The following WDR70 variants were observed in gnomAD, a reference collection of about 807,000 sequenced individuals.
WDR70 encodes the protein WD repeat domain 70, also known as WD repeat-containing protein 70.
Under a neutral mutation model 88.6 loss-of-function variants are expected in WDR70, and 53 were observed. The ratio of observed to expected loss-of-function variants is 0.60; its 90% CI spans 0.48 to 0.75. WDR70 has a LOEUF of 0.75. Among genes scored for constraint, WDR70 ranks in the 30% least tolerant of loss-of-function variants. The pLI is 0.00. For missense variants in WDR70, 610 were observed against 823.2 expected (o/e 0.74, Z 3.17); for synonymous variants, 280 against 270.0 (o/e 1.04, Z -0.36).
chr5:37,712,910 C>T (rs549956001), intron 13 of WDR70, among the ~76,000 whole-genome samples: 8 of 152,080 alleles, frequency 5.3e-5, no homozygotes, highest in Admixed American at 6.5e-5. Flanking sequence ...CCACGTTGGC[C>T]AGGCTGGTCT....
intron 13 of WDR70, among the ~76,000 whole-genome samples, chr5:37,716,768 CT>C (rs1747666486): frequency 6.6e-6 from 1 of 152,056 alleles, no homozygotes; most frequent in South Asian, 2.1e-4. Context: ...TGGTTTCCTT[CT>C]CCTCCTCCCC....
intron 10 of WDR70, among the ~76,000 whole-genome samples, chr5:37,681,883 A>G (rs1022570078): frequency 1.3e-5 from 2 of 152,042 alleles, no homozygotes; most frequent in Non-Finnish European, 2.9e-5. Context: ...ATTGGCCTGA[A>G]GTTTTCTTTT....
intron 9 of WDR70, among the ~76,000 whole-genome samples, chr5:37,551,477 C>A (rs1345495700): frequency 6.6e-6 from 1 of 151,894 alleles, no homozygotes; most frequent in Non-Finnish European, 1.5e-5. Context: ...CACCTCTAAT[C>A]CTGGCACTTT....
intron 9 of WDR70, among the ~76,000 whole-genome samples, chr5:37,550,982 A>G (rs1325037715): frequency 6.6e-6 from 1 of 152,110 alleles, no homozygotes; most frequent in Non-Finnish European, 1.5e-5. Flanking sequence ...TTATTTGCAT[A>G]AACAAATCAA....
chr5:37,525,346 C>T (rs1315397788), intron 9 of WDR70, among the ~76,000 whole-genome samples: 1 of 152,212 alleles, frequency 6.6e-6, no homozygotes, highest in East Asian at 1.9e-4. Context: ...CGCTCAACTA[C>T]CTGGAAACTG....
intron 7 of WDR70, among the ~76,000 whole-genome samples, chr5:37,455,218 A>G (rs1252808739): frequency 6.7e-6 from 1 of 149,432 alleles, no homozygotes; most frequent in Non-Finnish European, 1.5e-5. Flanking sequence ...ATTTAAGACT[A>G]TCACCTGTCC....
At chr5:37,423,086 TGA>T (rs145644367) in intron 5 of WDR70, among the ~76,000 whole-genome samples, 2,109 of 152,058 alleles carry the variant, frequency 0.014, 49 homozygotes, top group African/African-American at 0.048. Context: ...AGGATGGAAG[TGA>T]GGGGGGGCCT....
intron 17 of WDR70, among the ~76,000 whole-genome samples, chr5:37,744,254 C>G (rs111683734): frequency 5.5e-4 from 84 of 152,186 alleles, no homozygotes; most frequent in African/African-American, 1.9e-3. Context: ...AAAAAGGCCC[C>G]ACAAAAACCC....
chr5:37,396,878 C>T (rs752673323), intron 5 of WDR70, among the ~76,000 whole-genome samples: 31 of 152,294 alleles, frequency 2.0e-4, no homozygotes, highest in Non-Finnish European at 4.0e-4. Context: ...TACAGTGGCT[C>T]ACACCCGTAA....
At chr5:37,485,149 C>G (rs1266229116) in intron 8 of WDR70, among the ~76,000 whole-genome samples, 2 of 152,172 alleles carry the variant, frequency 1.3e-5, no homozygotes, top group African/African-American at 2.4e-5. Flanking sequence ...CTGATTTTTA[C>G]TCTTTTCCCC....
chr5:37,541,435 TAAAA>T (rs1315362924), intron 9 of WDR70, among the ~76,000 whole-genome samples: 1 of 152,220 alleles, frequency 6.6e-6, no homozygotes. Context: ...TGCTAATACT[TAAAA>T]AAGTACTTCT....
At chr5:37,722,480 G>A (rs889653648) in intron 14 of WDR70, 2 of 212,316 alleles carry the variant, frequency 9.4e-6, no homozygotes, top group African/African-American at 4.7e-5. Context: ...AGACCACCCA[G>A]GTTGCTTTAG....
chr5:37,427,661 A>C (rs1377173267), intron 5 of WDR70, among the ~76,000 whole-genome samples: 1 of 151,986 alleles, frequency 6.6e-6, no homozygotes, highest in Non-Finnish European at 1.5e-5. Context: ...GGATCGCTTG[A>C]GGATCACCTG....
At chr5:37,391,717 T>TA (rs1183162806) in intron 3 of WDR70, among the ~76,000 whole-genome samples, 1 of 152,224 alleles carries the variant, frequency 6.6e-6, no homozygotes, top group Non-Finnish European at 1.5e-5. Flanking sequence ...ATGACGTTCT[T>TA]ATGAACATGG....
At chr5:37,520,444 T>G (rs1347165904) in intron 9 of WDR70, among the ~76,000 whole-genome samples, 1 of 152,052 alleles carries the variant, frequency 6.6e-6, no homozygotes, top group Non-Finnish European at 1.5e-5. Context: ...TCAGATTATG[T>G]AGTGTTAATT....
intron 10 of WDR70, among the ~76,000 whole-genome samples, chr5:37,641,355 C>T (rs1581458100): frequency 6.6e-6 from 1 of 151,562 alleles, no homozygotes; most frequent in East Asian, 1.9e-4. Flanking sequence ...ATCTGCCCAC[C>T]TCAACCTCCC....
intron 10 of WDR70, chr5:37,620,175 A>G (rs1157070965): frequency 1.3e-5 from 2 of 152,004 alleles, no homozygotes; most frequent in Non-Finnish European, 2.9e-5. Context: ...CTTAATTCAG[A>G]TATAATTTTA....
rs1396833060 is a variant in WDR70 at position 37,506,103 on chromosome 5, T to C, written c.841-10411T>C. 8 of 1,184,318 alleles carry C rather than the reference T, an allele frequency of 6.8e-6. No homozygotes were observed. In the Admixed American group the frequency reaches 8.4e-5, roughly 12 times the overall value. 73.4% of individuals were successfully genotyped at this position (1,184,318 alleles called of 1,614,324 possible). ...AAGATTTGCACAGTAAAGATTTGCA[T>C]GTGCAAGATTGCAGCGGCTTAAATT... On this transcript the variant is annotated intron_variant, in intron 8 of 17. Transcript: ENST00000265107.
At chr5:37,398,948 C>T (rs535954959) in intron 5 of WDR70, among the ~76,000 whole-genome samples, 2 of 152,076 alleles carry the variant, frequency 1.3e-5, no homozygotes, top group East Asian at 3.9e-4. Flanking sequence ...TTGAGACTAG[C>T]CTGGCCAACA....
Sources: gnomAD v4.1 joint callset for allele counts (sites outside exome capture counted in the v4.1 genomes callset) on GRCh38, gnomAD v4.1.1 for gene constraint, MANE v1.5 for transcripts, NCBI Gene and HGNC (gene_info 2026-07-23, HGNC 2026-07-21) for gene names.